APC: variants seen among roughly 807,000 people sequenced by gnomAD.
APC encodes adenomatous polyposis coli protein.
Under a neutral mutation model 247.0 loss-of-function variants are expected in APC, and 72 were observed. The observed-to-expected ratio is 0.29, with a 90% CI of 0.24 to 0.35. The LOEUF (loss-of-function observed/expected upper bound fraction) is 0.35. Among genes scored for constraint, APC ranks in the 10% least tolerant of loss-of-function variants. APC has a pLI of 1.00. For missense variants in APC, 3,400 were observed against 3,360.7 expected, an observed-to-expected ratio of 1.01 and a Z score of -0.29; for synonymous variants, 1,254 against 1,162.5, an observed-to-expected ratio of 1.08 and a Z score of -1.60.
At position 112,834,175 on chromosome 5, in the gene APC, C is replaced by G. The variant is rs1416232200; in HGVS notation, c.1744-776C>G. 2.0e-5 allele frequency among the ~76,000 whole-genome samples: 3 copies of G among 151,538 alleles called. No individual in the cohort carries two copies. The East Asian group carries it at 5.8e-4, about 29-fold the overall frequency. ...CAGGCTGGTCTCAAATTCCTAAACT[C>G]CCAGTCACGCCAGTCAGCCTTCCAA... On this transcript the variant is annotated intron_variant, in intron 14 of 15. Coordinates refer to ENST00000257430, the MANE Select transcript of APC (RefSeq NM_000038.6).
At chr5:112,815,664 A>G in intron 9 of APC, 71 bp downstream of exon 9, 2 of 1,208,666 alleles carry the variant, frequency 1.7e-6, no homozygotes, top group Non-Finnish European at 2.4e-6. Flanking sequence ...GGCCAGGTGC[A>G]GTGGCTCACA....
chr5:112,775,515 A>G (rs1004370232), intron 4 of APC, 114 bp from the exon 5 acceptor site: 1 of 615,404 alleles, frequency 1.6e-6, no homozygotes, highest in Non-Finnish European at 2.9e-6. Context: ...TGAGTAATTC[A>G]TTATTAGCAC....
intron 6 of APC, among the ~76,000 whole-genome samples, chr5:112,782,591 A>G (rs978331571): frequency 2.0e-5 from 3 of 152,204 alleles, no homozygotes; most frequent in Admixed American, 6.5e-5. Flanking sequence ...ACGTGTATAT[A>G]TCATTTTTTC....
At chr5:112,712,550 C>T (rs1750915825) in intron 1 of APC, among the ~76,000 whole-genome samples, 1 of 150,340 alleles carries the variant, frequency 6.7e-6, no homozygotes. Flanking sequence ...TGCATCACCA[C>T]ACCCAGCCCT....
chr5:112,745,603 G>A (rs987730625), intron 1 of APC, among the ~76,000 whole-genome samples: 9 of 151,396 alleles, frequency 5.9e-5, no homozygotes, highest in Non-Finnish European at 1.0e-4. Flanking sequence ...TCACTCTGTC[G>A]CCGAGGCTGG....
rs751855793 is a variant in APC, at chr5:112,767,406, A to G, written c.422+16A>G. 2 of 1,583,810 alleles carry G rather than the reference A, an allele frequency of 1.3e-6. No individual in the cohort carries two copies. The highest frequency in any genetic ancestry group is 1.7e-6 in the Non-Finnish European group (2 of 1,152,450). On this transcript the variant is annotated intron_variant, in intron 4 of 15. Coordinates refer to ENST00000257430, the MANE Select transcript of APC (RefSeq NM_000038.6). ...AGAAAGAGAGGTAACTTTTCTTCAT[A>G]TAGTAAACATTGCCTTGTGTACTCC...
In APC at chr5:112,780,935, C is replaced by T. The variant is rs2909961; in HGVS notation, c.645+32C>T. On this transcript the variant is annotated intron_variant, in intron 6 of 15. Coordinates refer to ENST00000257430, the MANE Select transcript of APC (RefSeq NM_000038.6). ...TACTTGTTTCTAAGTGATAAAACAG[C>T]GAAGAGCTATTAGGAATAAAATGAA... is the stretch of plus-strand genomic sequence containing the variant. 0.084 allele frequency: 114,832 copies of T among 1,372,594 alleles called. 5,376 individuals are homozygous for T. Among genetic ancestry groups the T allele is most frequent in the South Asian group, 0.1 (8,627 of 83,746 alleles). The allele number at this position is 1,372,594 out of a possible 1,614,324, so 85.0% of individuals were successfully genotyped here. A position where few individuals can be genotyped will look rare whatever the true frequency, so the allele number is the denominator to read the frequency against.
Position 112,841,818 on chromosome 5 carries a change from A to G in APC, c.6224A>G (p.Asp2075Gly), listed in dbSNP as rs1186067054. Residue 2075 changes from aspartate (D) to glycine (G), a missense_variant, in exon 16 of 16, where the codon GAT (aspartate) becomes GGT (glycine). By Grantham distance (94) the Asp-to-Gly change is moderately conservative. Transcript: ENST00000257430. The surrounding 1 kb of genome is among the most constrained non-coding windows in gnomAD (Gnocchi z 4.6). ...PRNMGGILGE[D>G]LTLDLKDIQR... ...AATATGGGTGGCATATTAGGTGAAG[A>G]TCTGACACTTGATTTGAAAGATATA... The G allele has an allele frequency of 1.2e-6, 2 of 1,614,024 alleles. No individual in the cohort carries two copies. The highest frequency in any genetic ancestry group is 8.5e-7 in the Non-Finnish European group (1 of 1,179,894).
At chr5:112,759,356 C>CTTTTTT (rs887438895) in intron 2 of APC, among the ~76,000 whole-genome samples, 33 of 122,344 alleles carry the variant, frequency 2.7e-4, no homozygotes, top group South Asian at 5.3e-4. Context: ...TTCTTTCTTT[C>CTTTTTT]TTTTTTTTTT....
At chr5:112,762,751 A>G (rs531292830) in intron 2 of APC, among the ~76,000 whole-genome samples, 22 of 152,334 alleles carry the variant, frequency 1.4e-4, no homozygotes, top group East Asian at 3.9e-4. Context: ...TTTCACCTAG[A>G]TAGTGATTAC....
chr5:112,718,126 A>G (rs1413660423), intron 1 of APC, among the ~76,000 whole-genome samples: 5 of 151,486 alleles, frequency 3.3e-5, no homozygotes, highest in Admixed American at 2.0e-4. Flanking sequence ...ACAGTTTTCA[A>G]TTTTAAGCAA....
At position 112,819,311 on chromosome 5, in the gene APC, C is replaced by T. The variant is rs587779781; in HGVS notation, c.1279C>T (p.His427Tyr). 1.9e-6 allele frequency: 3 copies of T among 1,614,008 alleles called. No homozygotes were observed. The highest frequency in any genetic ancestry group is 1.7e-6 in the Non-Finnish European group (2 of 1,179,958). Residue 427 changes from histidine to tyrosine, a missense_variant, in exon 10 of 16, where the codon CAT becomes TAT. His to Tyr is a moderately conservative substitution (Grantham distance 83, BLOSUM62 2). Around this residue, in one of 9 missense-constraint regions of APC, gnomAD observed 199 missense variants for 212.5 expected, o/e 0.94. Coordinates refer to ENST00000257430, the MANE Select transcript of APC (RefSeq NM_000038.6). ...CETCWEWQEAHEPGMDQDKNP... is the reference protein window; with the variant it reads ...CETCWEWQEAYEPGMDQDKNP... The stretch of plus-strand genomic sequence containing the variant: ...AACCTGTTGGGAGTGGCAGGAAGCT[C>T]ATGAACCAGGCATGGACCAGGACAA...
intron 3 of APC, 89 bp from the exon 4 acceptor site, chr5:112,767,100 A>G (rs1165694586): frequency 4.4e-6 from 5 of 1,130,746 alleles, no homozygotes; most frequent in African/African-American, 1.6e-5. Flanking sequence ...TGTAAACCTA[A>G]TATTTCACTT....
intron 1 of APC, among the ~76,000 whole-genome samples, chr5:112,709,979 T>A (rs151234580): frequency 6.6e-6 from 1 of 152,302 alleles, no homozygotes; most frequent in African/African-American, 2.4e-5. Flanking sequence ...TCTCTTTCTC[T>A]TTGTGAACCT....
At chr5:112,807,362 CT>C (rs1761526170) in intron 8 of APC, among the ~76,000 whole-genome samples, 1 of 151,942 alleles carries the variant, frequency 6.6e-6, no homozygotes, top group Non-Finnish European at 1.5e-5. Flanking sequence ...ACCCTTTATT[CT>C]TTTTATACGT....
intron 4 of APC, among the ~76,000 whole-genome samples, chr5:112,769,047 C>CTTTTTTTTTT (rs1561467916): frequency 9.4e-6 from 1 of 106,196 alleles, no homozygotes; most frequent in Non-Finnish European, 1.9e-5. Context: ...TCTTTTTTTT[C>CTTTTTTTTTT]TTCTTTTTTT....
intron 11 of APC, among the ~76,000 whole-genome samples, chr5:112,825,201 C>T (rs1057469699): frequency 1.3e-5 from 2 of 152,200 alleles, no homozygotes; most frequent in African/African-American, 2.4e-5. Context: ...TTTAATTCTG[C>T]TACTTAAAAG....
rs876660122 is a variant in APC, at chr5:112,840,683, A to G, written c.5089A>G (p.Thr1697Ala). ...TACCATTCCTACAGAAGGCAGAAGT[A>G]CAGATGAGGCTCAAGGAGGAAAAAC... The part of the protein sequence containing the change: ...RDTIPTEGRS[T>A]DEAQGGKTSS... The change falls in exon 16 of 16, where the codon ACA becomes GCA. Residue 1697 changes from threonine to alanine, a missense_variant. Thr to Ala is a moderately conservative substitution (Grantham distance 58, BLOSUM62 0). Transcript: ENST00000257430. This position sits in a 1 kb window ranked among gnomAD's most constrained non-coding sequence, Gnocchi z 4.1. The G allele has an allele frequency of 6.2e-7, 1 of 1,614,118 alleles. No individual in the cohort carries two copies. Among genetic ancestry groups the G allele is most frequent in the Admixed American group, 1.7e-5 (1 of 60,020 alleles).
At position 112,842,374 on chromosome 5, in the gene APC, C is replaced by T. The variant is rs1170405641; in HGVS notation, c.6780C>T (p.Ser2260=). 3 of 1,614,018 alleles carry T rather than the reference C, an allele frequency of 1.9e-6. No homozygotes were observed. Among genetic ancestry groups the T allele is most frequent in the Non-Finnish European group, 1.7e-6 (2 of 1,179,944 alleles). Residue 2260 remains serine (S), a synonymous_variant, in exon 16 of 16, where the codon AGC becomes AGT. Coordinates refer to ENST00000257430, the MANE Select transcript of APC (RefSeq NM_000038.6). ...GPPLKTPASK[S]PSEGQTATTS... is the part of the protein sequence containing the mutation. ...CCCTTAAGACTCCAGCCTCCAAAAG[C>T]CCTAGTGAAGGTCAAACAGCCACCA...
Sources: gnomAD v4.1 joint callset for allele counts (sites outside exome capture counted in the v4.1 genomes callset) on GRCh38, gnomAD v4.1.1 for gene constraint, gnomAD v4.1.1 regional missense constraint, Gnocchi (gnomAD v3.1) non-coding constraint, MANE v1.5 for transcripts, NCBI Gene and HGNC (gene_info 2026-07-23, HGNC 2026-07-21) for gene names.